The following ELP5 variants were observed in gnomAD, a reference collection of about 807,000 sequenced individuals.
ELP5 encodes the protein elongator complex protein 5.
ELP5 carries 34 observed loss-of-function variants against 33.4 expected under a neutral mutation model. That is an observed-to-expected ratio of 1.02 (90% CI 0.78 to 1.36). The LOEUF (loss-of-function observed/expected upper bound fraction) is 1.36, where lower values mean the gene tolerates loss of function less well. Ranked by LOEUF, ELP5 falls within the 40% of genes most tolerant of loss-of-function variation. ELP5 has a pLI of 0.00. For missense variants in ELP5, 373 were observed against 371.7 expected, an observed-to-expected ratio of 1.00 and a Z score of -0.03; for synonymous variants, 161 against 146.4, an observed-to-expected ratio of 1.10 and a Z score of -0.72.
At chr17:7,258,516 G>A (rs2072129846) in intron 5 of ELP5, 72 bp from the exon 6 acceptor site, 3 of 1,428,160 alleles carry the variant, frequency 2.1e-6, no homozygotes, top group Non-Finnish European at 2.9e-6. Context: ...TGGGGGCTGA[G>A]GATGTGAGGT....
upstream of ELP5, chr17:7,252,132 G>A: frequency 5.7e-6 from 2 of 347,868 alleles, no homozygotes; most frequent in South Asian, 2.3e-5. Flanking sequence ...GCAGTATTGC[G>A]CACGCGCAGA....
chr17:7,258,951 G>A, intron 7 of ELP5, 25 bp downstream of exon 7: 3 of 1,614,028 alleles, frequency 1.9e-6, no homozygotes, highest in South Asian at 1.1e-5. Flanking sequence ...TGGGTACGTG[G>A]ATCCCTGAGT....
In ELP5 at chr17:7,256,973, G is replaced by A. The variant is rs147755585; in HGVS notation, c.526G>A (p.Gly176Ser). The change falls in exon 5 of 8, where the codon GGT (glycine) becomes AGT (serine). Residue 176 changes from glycine (G) to serine (S), a missense_variant. By Grantham distance (56) the Gly-to-Ser change is moderately conservative. Transcript: ENST00000396628. ...TGCTCAGACTGAGGTGACCCTGGGC[G>A]GTACCATGGGCCAGGCCTCGGCCCA... ...SLAQTEVTLG[G>S]TMGQASAHIL... The A allele has an allele frequency of 1.6e-5, 26 of 1,612,596 alleles. No homozygotes were observed. Among genetic ancestry groups the A allele is most frequent in the Non-Finnish European group, 2.0e-5 (24 of 1,179,898 alleles).
At position 7,259,630 on chromosome 17, in the gene ELP5, C is replaced by T. The variant is rs771846696; in HGVS notation, c.848C>T (p.Pro283Leu). Residue 283 changes from proline (P) to leucine (L), a missense_variant, in exon 8 of 8, where the codon CCA (proline) becomes CTA (leucine). Physicochemically the swap from Pro to Leu is moderately conservative, Grantham distance 98. Coordinates refer to ENST00000396628, the MANE Select transcript of ELP5 (RefSeq NM_203414.3). ...GQATSHIFYE[P>L]DAYDDLDQED... ...GCTACCAGCCACATCTTCTATGAGCCAGATGCTTATGATGACCTGGACCAA... is the reference window on the plus strand; with the variant it reads ...GCTACCAGCCACATCTTCTATGAGCTAGATGCTTATGATGACCTGGACCAA... 1 of 1,614,154 alleles carries T rather than the reference C, an allele frequency of 6.2e-7. No homozygotes were observed. Among genetic ancestry groups the T allele is most frequent in the Non-Finnish European group, 8.5e-7 (1 of 1,180,056 alleles).
Position 7,259,444 on chromosome 17 carries a change from A to T in ELP5, c.789-127A>T, listed in dbSNP as rs2072160499. 17 of 1,510,988 alleles carry T rather than the reference A, an allele frequency of 1.1e-5. No individual in the cohort carries two copies. In the South Asian group the frequency reaches 2.2e-4, roughly 20 times the overall value. The allele number at this position is 1,510,988 out of a possible 1,614,324, so 93.6% of individuals were successfully genotyped here. ...TCTAACATGGAGGTCAGAGAAAGGGACTTGGACCAATAAAATGACATGGAG... is the reference window on the plus strand; with the variant it reads ...TCTAACATGGAGGTCAGAGAAAGGGTCTTGGACCAATAAAATGACATGGAG... On this transcript the variant is annotated intron_variant, in intron 7 of 7. Transcript: ENST00000396628.
Position 7,252,953 on chromosome 17 carries a change from G to A in ELP5, c.143G>A (p.Ser48Asn). Residue 48 changes from serine to asparagine, a missense_variant, in exon 3 of 8, where the codon AGC becomes AAC. Transcript: ENST00000396628. ...EQVHILGCEV[S>N]EEEFREGFDS... ...GTGCATATCCTGGGCTGTGAAGTGA[G>A]CGAGGAAGAGTTTCGTGAAGGTTTT... is the stretch of plus-strand genomic sequence containing the variant. 6.2e-7 allele frequency: 1 copy of A among 1,614,200 alleles called. No individual in the cohort carries two copies. The highest frequency in any genetic ancestry group is 2.2e-5 in the East Asian group (1 of 44,886).
intron 3 of ELP5, among the ~76,000 whole-genome samples, chr17:7,254,221 C>G (rs566823224): frequency 6.6e-6 from 1 of 152,278 alleles, no homozygotes; most frequent in Non-Finnish European, 1.5e-5. Flanking sequence ...CTTTAGGTGC[C>G]ACACACAGGA....
chr17:7,257,827 TG>T (rs1421461934), intron 5 of ELP5, among the ~76,000 whole-genome samples: 1 of 152,104 alleles, frequency 6.6e-6, no homozygotes, highest in South Asian at 2.1e-4. Context: ...CCCAGCACTT[TG>T]GGGGGCCGAG....
chr17:7,256,794 G>A, intron 4 of ELP5, 63 bp from the exon 5 acceptor site: 1 of 1,549,250 alleles, frequency 6.5e-7, no homozygotes, highest in Non-Finnish European at 8.9e-7. Flanking sequence ...CTTCTTCACT[G>A]TTAGCTCCCA....
intron 5 of ELP5, among the ~76,000 whole-genome samples, chr17:7,257,894 C>T (rs1242258083): frequency 6.6e-6 from 1 of 152,026 alleles, no homozygotes; most frequent in Non-Finnish European, 1.5e-5. Flanking sequence ...ATGGTGAAAT[C>T]TCATCTCTAC....
At position 7,259,923 on chromosome 17, in the gene ELP5, T is replaced by C; in HGVS notation, c.*238T>C. On this transcript the variant is annotated 3_prime_UTR_variant, in exon 8 of 8. Transcript: ENST00000396628. ...CCCCGTACCTAATAAAAATCTTTAT[T>C]TTTTTATTAAAAAAGAAGTACTTTG... is the stretch of plus-strand genomic sequence containing the variant. 3 of 482,146 alleles carry C rather than the reference T, an allele frequency of 6.2e-6. No individual in the cohort carries two copies. The highest frequency in any genetic ancestry group is 3.4e-6 in the Non-Finnish European group (1 of 298,096). 29.9% of individuals were successfully genotyped at this position (482,146 alleles called of 1,614,324 possible).
intron 4 of ELP5, 184 bp downstream of exon 4, chr17:7,254,987 T>C: frequency 1.7e-6 from 1 of 583,332 alleles, no homozygotes; most frequent in Non-Finnish European, 3.0e-6. Flanking sequence ...CATTTGCTTT[T>C]TTTTCTCCAA....
At chr17:7,254,428 C>G (rs991835643) in intron 3 of ELP5, among the ~76,000 whole-genome samples, 155 bp from the exon 4 acceptor site, 3 of 152,108 alleles carry the variant, frequency 2.0e-5, no homozygotes, top group African/African-American at 7.2e-5. Context: ...TCTGTGCTCT[C>G]AATCACTGTA....
chr17:7,256,411 C>G (rs2072075869), intron 4 of ELP5, among the ~76,000 whole-genome samples: 1 of 152,148 alleles, frequency 6.6e-6, no homozygotes, highest in South Asian at 2.1e-4. Context: ...AAACGCTGAC[C>G]TTTGTAAGGA....
In ELP5 at chr17:7,254,606, G is replaced by A; in HGVS notation, c.212G>A (p.Arg71Lys). ...NNRLVYHDFF[R>K]DPLNWSKTEE... is the part of the protein sequence containing the mutation. ...AGGCTGGTTTACCATGACTTCTTCA[G>A]AGACCCTCTCAACTGGTCAAAAACT... The change falls in exon 4 of 8, where the codon AGA (arginine) becomes AAA (lysine). Residue 71 changes from arginine to lysine, a missense_variant. By Grantham distance (26) the Arg-to-Lys change is conservative. Coordinates refer to ENST00000396628, the MANE Select transcript of ELP5 (RefSeq NM_203414.3). 1 of 1,613,264 alleles carries A rather than the reference G, an allele frequency of 6.2e-7. No individual in the cohort carries two copies. The highest frequency in any genetic ancestry group is 8.5e-7 in the Non-Finnish European group (1 of 1,179,352).
At position 7,252,497 on chromosome 17, in the gene ELP5, T is replaced by TG; in HGVS notation, c.-51dup. 2 of 1,613,418 alleles carry TG rather than the reference T, an allele frequency of 1.2e-6. No individual in the cohort carries two copies. The highest frequency in any genetic ancestry group is 1.7e-6 in the Non-Finnish European group (2 of 1,179,772). ...GTTTCACCCCGAGGAGGAAGGACAC[T>TG]GGGTCATGACGCCATCAGAGGGCGC... On this transcript the variant is annotated 5_prime_UTR_variant, in exon 1 of 8. An upstream open reading frame in the 5' UTR loses its in-frame stop. Transcript: ENST00000396628.
chr17:7,252,944 G>A lies in ELP5; in HGVS notation c.134G>A (p.Cys45Tyr), dbSNP rs1237659028. ...LCGEQVHILG[C>Y]EVSEEEFREG... ...GGGGAGCAAGTGCATATCCTGGGCT[G>A]TGAAGTGAGCGAGGAAGAGTTTCGT... is the stretch of plus-strand genomic sequence containing the variant. The change falls in exon 3 of 8, where the codon TGT becomes TAT. Residue 45 changes from cysteine (C) to tyrosine (Y), a missense_variant. Cys to Tyr is a radical substitution (Grantham distance 194). Transcript: ENST00000396628. 6.2e-7 allele frequency: 1 copy of A among 1,614,086 alleles called. No homozygotes were observed. Among genetic ancestry groups the A allele is most frequent in the African/African-American group, 1.3e-5 (1 of 74,926 alleles).
intron 4 of ELP5, 85 bp downstream of exon 4, chr17:7,254,888 C>A: frequency 1.8e-6 from 2 of 1,106,800 alleles, no homozygotes; most frequent in Non-Finnish European, 2.7e-6. Flanking sequence ...CTAGAATAAA[C>A]ATCTGGGTTC....
At position 7,252,278 on chromosome 17, in the gene ELP5, A is replaced by G; in HGVS notation, c.-273A>G. On this transcript the variant is annotated 5_prime_UTR_variant, in exon 1 of 8. Coordinates refer to ENST00000396628, the MANE Select transcript of ELP5 (RefSeq NM_203414.3). ...GGTCCTCCTCCCCCTCCCACTGACAACTGCCCCAACTGCTCTTCCCGCCCC... is the reference window on the plus strand; with the variant it reads ...GGTCCTCCTCCCCCTCCCACTGACAGCTGCCCCAACTGCTCTTCCCGCCCC... 3 of 534,942 alleles carry G rather than the reference A, an allele frequency of 5.6e-6. No homozygotes were observed. The highest frequency in any genetic ancestry group is 3.9e-5 in the South Asian group (2 of 51,114). 33.1% of individuals were successfully genotyped at this position (534,942 alleles called of 1,614,324 possible).
Sources: gnomAD v4.1 joint callset for allele counts (sites outside exome capture counted in the v4.1 genomes callset) on GRCh38, gnomAD v4.1.1 for gene constraint, MANE v1.5 for transcripts, NCBI Gene and HGNC (gene_info 2026-07-23, HGNC 2026-07-21) for gene names.